ATOSA: variants seen among roughly 807,000 people sequenced by gnomAD.
ATOSA encodes the protein atos homolog protein A.
At chr15:52,678,046 G>A in the ATOSA span, 1 of 1,614,014 alleles carries the variant, frequency 6.2e-7, no homozygotes, top group Non-Finnish European at 8.5e-7. Context: ...TTCGCCCAGA[G>A]TGCTGTGAAA....
At chr15:52,636,161 AAAT>A in the ATOSA span, among the ~76,000 whole-genome samples, 8 of 142,334 alleles carry the variant, frequency 5.6e-5, no homozygotes, top group Non-Finnish European at 9.0e-5. Context: ...TAAATAATAA[AAAT>A]AAATAAATAA....
At chr15:52,665,640 C>T in the ATOSA span, among the ~76,000 whole-genome samples, 2 of 151,882 alleles carry the variant, frequency 1.3e-5, no homozygotes, top group African/African-American at 4.8e-5. Flanking sequence ...ACTTTTAGAA[C>T]TTCGTCTGGA....
At chr15:52,664,655 T>A in the ATOSA span, among the ~76,000 whole-genome samples, 1 of 152,220 alleles carries the variant, frequency 6.6e-6, no homozygotes, top group South Asian at 2.1e-4. Flanking sequence ...AAGAATACCA[T>A]CTAGAGTGTG....
chr15:52,647,999 T>C, the ATOSA span, among the ~76,000 whole-genome samples: 1 of 152,136 alleles, frequency 6.6e-6, no homozygotes, highest in Non-Finnish European at 1.5e-5. Context: ...CTTAGGAAAC[T>C]GAGAAACCTA....
At chr15:52,707,072 T>C in the ATOSA span, among the ~76,000 whole-genome samples, 1 of 152,132 alleles carries the variant, frequency 6.6e-6, no homozygotes, top group African/African-American at 2.4e-5. Flanking sequence ...TGTAAACAAA[T>C]GGCGGTAAAG....
At chr15:52,636,196 A>T in the ATOSA span, among the ~76,000 whole-genome samples, 2 of 149,984 alleles carry the variant, frequency 1.3e-5, no homozygotes, top group East Asian at 3.9e-4. Flanking sequence ...ATAAGGATTT[A>T]AATCATAAAG....
the ATOSA span, chr15:52,584,789 G>C: frequency 1.9e-6 from 3 of 1,613,626 alleles, no homozygotes; most frequent in African/African-American, 1.3e-5. Context: ...CTGTGTGTCG[G>C]ATGTTCTCTT....
chr15:52,610,428 T>C, the ATOSA span: 1 of 1,520,740 alleles, frequency 6.6e-7, no homozygotes, highest in Non-Finnish European at 8.9e-7. Context: ...TTATAAAGGT[T>C]AGATCCTTAT....
At chr15:52,608,245 G>T in the ATOSA span, among the ~76,000 whole-genome samples, 2 of 152,116 alleles carry the variant, frequency 1.3e-5, no homozygotes, top group African/African-American at 4.8e-5. Context: ...AGCAGGGGGA[G>T]AACAGAGCTA....
the ATOSA span, among the ~76,000 whole-genome samples, chr15:52,687,709 G>C: frequency 6.6e-6 from 1 of 152,200 alleles, no homozygotes; most frequent in South Asian, 2.1e-4. Flanking sequence ...ATAAGCAATA[G>C]GTACAGCATT....
At chr15:52,613,600 A>G in the ATOSA span, 7 of 1,421,986 alleles carry the variant, frequency 4.9e-6, no homozygotes, top group African/African-American at 1.4e-5. Flanking sequence ...TATAACTGTA[A>G]TAAAATAAAG....
the ATOSA span, among the ~76,000 whole-genome samples, chr15:52,598,383 A>C: frequency 6.6e-6 from 1 of 152,186 alleles, no homozygotes; most frequent in Non-Finnish European, 1.5e-5. Flanking sequence ...TTCTGTGTCC[A>C]TGTGTTTCCA....
chr15:52,600,008 C>A, the ATOSA span: 1 of 483,948 alleles, frequency 2.1e-6, no homozygotes. Flanking sequence ...AATTTCAAGG[C>A]TTGAAAAAAG....
At chr15:52,615,472 A>G in the ATOSA span, among the ~76,000 whole-genome samples, 1 of 152,220 alleles carries the variant, frequency 6.6e-6, no homozygotes, top group Non-Finnish European at 1.5e-5. Flanking sequence ...ACAGAGTCGT[A>G]TGCACATAGT....
At chr15:52,700,624 G>A in the ATOSA span, among the ~76,000 whole-genome samples, 1 of 152,200 alleles carries the variant, frequency 6.6e-6, no homozygotes, top group Non-Finnish European at 1.5e-5. Context: ...TTAAGGAAGT[G>A]CTATCTAGCA....
At chr15:52,583,631 C>T in the ATOSA span, among the ~76,000 whole-genome samples, 88,551 of 151,960 alleles carry the variant, frequency 0.58, 28,544 homozygotes, top group Non-Finnish European at 0.72. Flanking sequence ...GGTGATCCAC[C>T]CACCTCGGCC....
At chr15:52,678,543 A>G in the ATOSA span, 2 of 155,896 alleles carry the variant, frequency 1.3e-5, no homozygotes, top group African/African-American at 4.8e-5. Context: ...GCGCCTCCCG[A>G]GCCCTCCGCC....
the ATOSA span, among the ~76,000 whole-genome samples, chr15:52,690,225 C>T: frequency 2.6e-5 from 4 of 152,190 alleles, no homozygotes; most frequent in African/African-American, 9.6e-5. Flanking sequence ...ATAATATGTA[C>T]TGATAACCTA....
At chr15:52,637,502 T>C in the ATOSA span, among the ~76,000 whole-genome samples, 1 of 152,158 alleles carries the variant, frequency 6.6e-6, no homozygotes, top group African/African-American at 2.4e-5. Context: ...AGTAATTGAG[T>C]CTTATAAATT....
Sources: allele counts gnomAD v4.1 joint callset (sites outside exome capture counted in the v4.1 genomes callset), GRCh38; gene constraint gnomAD v4.1.1; transcripts MANE v1.5; gene names NCBI Gene and HGNC (gene_info 2026-07-23, HGNC 2026-07-21).